Variants in PCDHB11 observed in about 807,000 individuals in gnomAD.
PCDHB11 encodes the protein protocadherin beta 11, also known as protocadherin beta-11.
For missense variants in PCDHB11, 1,151 were observed against 1,003.4 expected, an observed-to-expected ratio of 1.15 and a Z score of -1.99; for synonymous variants, 522 against 442.0, an observed-to-expected ratio of 1.18 and a Z score of -2.27.
rs182541044 is a variant in PCDHB11, at chr5:141,203,367, A to T, written c.*1199A>T. 1 of 152,268 alleles carries T rather than the reference A, an allele frequency of 6.6e-6. No homozygotes were observed. The highest frequency in any genetic ancestry group is 2.4e-5 in the African/African-American group (1 of 41,458). The allele number at this position is 152,268 out of a possible 1,614,324, so 9.4% of individuals were successfully genotyped here. A position where few individuals can be genotyped will look rare whatever the true frequency, so the allele number is the denominator to read the frequency against. ...AAAGCTGGGATTACAGGCGTGAGCCACCGTGCCCAGGCTCCCCTAGTATTT... is the reference window on the plus strand; with the variant it reads ...AAAGCTGGGATTACAGGCGTGAGCCTCCGTGCCCAGGCTCCCCTAGTATTT... On this transcript the variant is annotated 3_prime_UTR_variant, in exon 1 of 1. Coordinates refer to ENST00000354757, the MANE Select transcript of PCDHB11 (RefSeq NM_018931.3).
rs1347915392 is a variant in PCDHB11, at chr5:141,203,023, G to A, written c.*855G>A. On this transcript the variant is annotated 3_prime_UTR_variant, in exon 1 of 1. Coordinates refer to ENST00000354757, the MANE Select transcript of PCDHB11 (RefSeq NM_018931.3). The stretch of plus-strand genomic sequence containing the variant: ...TTTAAGGTTTTAATCCTTTCCAAGT[G>A]TACAATAATTTACTGATTATTATTT... 6.6e-6 allele frequency: 1 copy of A among 152,116 alleles called. No homozygotes were observed. Among genetic ancestry groups the A allele is most frequent in the Non-Finnish European group, 1.5e-5 (1 of 68,022 alleles). The allele number at this position is 152,116 out of a possible 1,614,324, so 9.4% of individuals were successfully genotyped here. A position where few individuals can be genotyped will look rare whatever the true frequency, so the allele number is the denominator to read the frequency against.
In PCDHB11 at chr5:141,201,182, A is replaced by T; in HGVS notation, c.1408A>T (p.Ile470Phe). 1 of 1,613,402 alleles carries T rather than the reference A, an allele frequency of 6.2e-7. No homozygotes were observed. Among genetic ancestry groups the T allele is most frequent in the Non-Finnish European group, 8.5e-7 (1 of 1,180,000 alleles). Residue 470 changes from isoleucine to phenylalanine, a missense_variant, in exon 1 of 1, where the codon ATC (isoleucine) becomes TTC (phenylalanine). Physicochemically the swap from Ile to Phe is conservative, Grantham distance 21. Transcript: ENST00000354757. ...CGAGAACAACAGCCCCGCCCTGCAC[A>T]TCGGCAGTGTCAGCGCTACAGACAG... ...VRENNSPALHIGSVSATDRDS... is the reference protein window; with the variant it reads ...VRENNSPALHFGSVSATDRDS...
rs1489470610 is a variant in PCDHB11 at position 141,200,083 on chromosome 5, G to A, written c.309G>A (p.Val103=). Residue 103 remains valine, a synonymous_variant, in exon 1 of 1, where the codon GTG becomes GTA. Transcript: ENST00000354757. ...EELCGSIEPC[V]LHLQVLMQNP... ...TCTGCGGTTCCATCGAGCCTTGCGTGCTACATTTGCAGGTGTTAATGCAAA... is the reference window on the plus strand; with the variant it reads ...TCTGCGGTTCCATCGAGCCTTGCGTACTACATTTGCAGGTGTTAATGCAAA... 1.2e-6 allele frequency: 2 copies of A among 1,614,064 alleles called. No individual in the cohort carries two copies. The highest frequency in any genetic ancestry group is 2.7e-5 in the African/African-American group (2 of 74,912).
In PCDHB11 at chr5:141,201,979, T is replaced by G. The variant is rs1554285774; in HGVS notation, c.2205T>G (p.His735Gln). The G allele has an allele frequency of 6.2e-6, 10 of 1,614,040 alleles. No individual in the cohort carries two copies. In the Admixed American group the frequency reaches 8.3e-5, roughly 13 times the overall value. Residue 735 changes from histidine to glutamine, a missense_variant, in exon 1 of 1, where the codon CAT becomes CAG. Coordinates refer to ENST00000354757, the MANE Select transcript of PCDHB11 (RefSeq NM_018931.3). ...CSVPKGPFPGHLVDVSGTGTL... is the reference protein window; with the variant it reads ...CSVPKGPFPGQLVDVSGTGTL... Reference sequence around the variant, plus strand: ...TGCCTAAGGGCCCCTTTCCAGGGCATCTGGTGGACGTGAGCGGCACCGGGA... The same window carrying G: ...TGCCTAAGGGCCCCTTTCCAGGGCAGCTGGTGGACGTGAGCGGCACCGGGA...
chr5:141,199,962 G>A lies in PCDHB11; in HGVS notation c.188G>A (p.Gly63Glu), dbSNP rs1554285178. 3 of 1,614,144 alleles carry A rather than the reference G, an allele frequency of 1.9e-6. No individual in the cohort carries two copies. Among genetic ancestry groups the A allele is most frequent in the Non-Finnish European group, 2.5e-6 (3 of 1,180,044 alleles). ...GLKVRELSSRGARVVSNDKKQ... is the reference protein window; with the variant it reads ...GLKVRELSSREARVVSNDKKQ... ...AAGGTGAGAGAACTGTCCTCACGGG[G>A]GGCTCGGGTGGTCTCTAATGATAAG... The change falls in exon 1 of 1, where the codon GGG becomes GAG. Residue 63 changes from glycine (G) to glutamate (E), a missense_variant. By Grantham distance (98) the Gly-to-Glu change is moderately conservative. Coordinates refer to ENST00000354757, the MANE Select transcript of PCDHB11 (RefSeq NM_018931.3).
At position 141,202,297 on chromosome 5, in the gene PCDHB11, C is replaced by A; in HGVS notation, c.*129C>A. The A allele has an allele frequency of 2.0e-6, 2 of 979,240 alleles. No homozygotes were observed. Among genetic ancestry groups the A allele is most frequent in the Non-Finnish European group, 2.9e-6 (2 of 695,136 alleles). 60.7% of individuals were successfully genotyped at this position (979,240 alleles called of 1,614,324 possible). A position where few individuals can be genotyped will look rare whatever the true frequency, so the allele number is the denominator to read the frequency against. ...GTATTTTTAATTTTTTCTTTTCTCC[C>A]CCAATTTTTTTTTTTTTTTTGAGAC... On this transcript the variant is annotated 3_prime_UTR_variant, in exon 1 of 1. Transcript: ENST00000354757.
rs1339153961 is a variant in PCDHB11 at position 141,199,855 on chromosome 5, C to T, written c.81C>T (p.Gly27=). The change falls in exon 1 of 1, where the codon GGC becomes GGT. Residue 27 remains glycine, a synonymous_variant. Transcript: ENST00000354757. ...LFVLLGMSQA[G]SETWSFSVAE... ...TTTTGCTCGGAATGTCTCAGGCGGG[C>T]TCTGAAACCTGGAGCTTTTCTGTGG... 6 of 1,614,180 alleles carry T rather than the reference C, an allele frequency of 3.7e-6. No homozygotes were observed. The highest frequency in any genetic ancestry group is 5.1e-6 in the Non-Finnish European group (6 of 1,180,040).
rs1271202471 is a variant in PCDHB11 at position 141,203,650 on chromosome 5, CACTT to C, written c.*1487_*1490del. The C allele has an allele frequency of 6.6e-6, 1 of 151,952 alleles. No individual in the cohort carries two copies. The highest frequency in any genetic ancestry group is 1.5e-5 in the Non-Finnish European group (1 of 68,004). 9.4% of individuals were successfully genotyped at this position (151,952 alleles called of 1,614,324 possible). A position where few individuals can be genotyped will look rare whatever the true frequency, so the allele number is the denominator to read the frequency against. On this transcript the variant is annotated 3_prime_UTR_variant, in exon 1 of 1. Transcript: ENST00000354757. Reference sequence around the variant, plus strand: ...TTGTATTATTTTCTTAAATATACTACACTTACTTGGCTAATATTTTTAATGCTTT... The same window carrying C: ...TTGTATTATTTTCTTAAATATACTACACTTGGCTAATATTTTTAATGCTTT...
In PCDHB11 at chr5:141,200,517, A is replaced by C; in HGVS notation, c.743A>C (p.Glu248Ala). 2 of 1,614,134 alleles carry C rather than the reference A, an allele frequency of 1.2e-6. No individual in the cohort carries two copies. The highest frequency in any genetic ancestry group is 1.6e-4 in the Middle Eastern group (1 of 6,062). Reference sequence around the variant, plus strand: ...CCTGAATTTGAGCAGGCTTTTTATGAGGTGAAGATTCGGGAGAATAGCATC... The same window carrying C: ...CCTGAATTTGAGCAGGCTTTTTATGCGGTGAAGATTCGGGAGAATAGCATC... Reference protein sequence around the residue: ...NSPEFEQAFYEVKIRENSILG... With the variant: ...NSPEFEQAFYAVKIRENSILG... Residue 248 changes from glutamate (E) to alanine (A), a missense_variant, in exon 1 of 1, where the codon GAG becomes GCG. Glu to Ala is a moderately radical substitution (Grantham distance 107). Transcript: ENST00000354757.
rs72116873 is a variant in PCDHB11 at position 141,202,301 on chromosome 5, A to ATTTT, written c.*146_*149dup. Reference sequence around the variant, plus strand: ...TTTTAATTTTTTCTTTTCTCCCCCAATTTTTTTTTTTTTTTTGAGACCGAG... The same window carrying ATTTT: ...TTTTAATTTTTTCTTTTCTCCCCCAATTTTTTTTTTTTTTTTTTTTGAGACCGAG... On this transcript the variant is annotated 3_prime_UTR_variant, in exon 1 of 1. Coordinates refer to ENST00000354757, the MANE Select transcript of PCDHB11 (RefSeq NM_018931.3). 2.8e-5 allele frequency: 19 copies of ATTTT among 671,872 alleles called. No individual in the cohort carries two copies. The highest frequency in any genetic ancestry group is 3.6e-5 in the Non-Finnish European group (16 of 449,334). 41.6% of individuals were successfully genotyped at this position (671,872 alleles called of 1,614,324 possible).
In PCDHB11 at chr5:141,202,933, T is replaced by C. The variant is rs1754241122; in HGVS notation, c.*765T>C. 1 of 151,700 alleles carries C rather than the reference T, an allele frequency of 6.6e-6. No homozygotes were observed. The highest frequency in any genetic ancestry group is 1.5e-5 in the Non-Finnish European group (1 of 67,946). The allele number at this position is 151,700 out of a possible 1,614,324, so 9.4% of individuals were successfully genotyped here. ...AATTTTCAAGTATTGCATATCATTG[T>C]GAATAACATTGTAAATCCTTTTTAT... On this transcript the variant is annotated 3_prime_UTR_variant, in exon 1 of 1. Transcript: ENST00000354757.
Position 141,201,175 on chromosome 5 carries a change from C to G in PCDHB11, c.1401C>G (p.Ala467=). 1.2e-6 allele frequency: 2 copies of G among 1,613,586 alleles called. No individual in the cohort carries two copies. The highest frequency in any genetic ancestry group is 1.7e-6 in the Non-Finnish European group (2 of 1,180,028). The change falls in exon 1 of 1, where the codon GCC becomes GCG. Residue 467 remains alanine, a synonymous_variant. Coordinates refer to ENST00000354757, the MANE Select transcript of PCDHB11 (RefSeq NM_018931.3). Reference sequence around the variant, plus strand: ...TCGTCCGCGAGAACAACAGCCCCGCCCTGCACATCGGCAGTGTCAGCGCTA... The same window carrying G: ...TCGTCCGCGAGAACAACAGCCCCGCGCTGCACATCGGCAGTGTCAGCGCTA... ...TLFVRENNSP[A]LHIGSVSATD...
Position 141,201,328 on chromosome 5 carries a change from G to T in PCDHB11, c.1554G>T (p.Ser518=), listed in dbSNP as rs782662475. Residue 518 remains serine (S), a synonymous_variant, in exon 1 of 1, where the codon TCG becomes TCT. Transcript: ENST00000354757. ...TDNGHLFALR[S]LDYEALQAFD... is the part of the protein sequence containing the mutation. Reference sequence around the variant, plus strand: ...ACGGCCACCTGTTCGCCCTCAGGTCGCTGGACTACGAGGCCCTGCAGGCTT... The same window carrying T: ...ACGGCCACCTGTTCGCCCTCAGGTCTCTGGACTACGAGGCCCTGCAGGCTT... 17 of 1,613,478 alleles carry T rather than the reference G, an allele frequency of 1.1e-5. No individual in the cohort carries two copies. Among genetic ancestry groups the T allele is most frequent in the Admixed American group, 6.7e-5 (4 of 60,018 alleles).
chr5:141,200,133 A>G lies in PCDHB11; in HGVS notation c.359A>G (p.Glu120Gly), dbSNP rs781948905. 3.1e-6 allele frequency: 5 copies of G among 1,614,076 alleles called. No individual in the cohort carries two copies. The highest frequency in any genetic ancestry group is 2.5e-6 in the Non-Finnish European group (3 of 1,180,024). ...MQNPTQFLQI[E>G]LQVRDINDHS... ...AACCCCACGCAGTTTTTACAAATTGAGCTTCAGGTCAGGGATATAAATGAT... is the reference window on the plus strand; with the variant it reads ...AACCCCACGCAGTTTTTACAAATTGGGCTTCAGGTCAGGGATATAAATGAT... The change falls in exon 1 of 1, where the codon GAG becomes GGG. Residue 120 changes from glutamate (E) to glycine (G), a missense_variant. Transcript: ENST00000354757.
rs1554285691 is a variant in PCDHB11, at chr5:141,201,760, G to C, written c.1986G>C (p.Leu662=). The change falls in exon 1 of 1, where the codon CTG becomes CTC. Residue 662 remains leucine, a synonymous_variant. Coordinates refer to ENST00000354757, the MANE Select transcript of PCDHB11 (RefSeq NM_018931.3). ...CCACCGCCACGCTGCAAGTGCTCCT[G>C]GTGGACGGCTTCTCCCAGCCCTACC... ...RSATATLQVL[L]VDGFSQPYLP... The C allele has an allele frequency of 1.9e-6, 3 of 1,609,352 alleles. No individual in the cohort carries two copies. Among genetic ancestry groups the C allele is most frequent in the Non-Finnish European group, 2.5e-6 (3 of 1,179,752 alleles).
Position 141,199,951 on chromosome 5 carries a change from G to A in PCDHB11, c.177G>A (p.Leu59=), listed in dbSNP as rs782618138. Residue 59 remains leucine, a synonymous_variant, in exon 1 of 1, where the codon CTG becomes CTA. Transcript: ENST00000354757. Reference sequence around the variant, plus strand: ...ACCTGGGGCTGAAGGTGAGAGAACTGTCCTCACGGGGGGCTCGGGTGGTCT... The same window carrying A: ...ACCTGGGGCTGAAGGTGAGAGAACTATCCTCACGGGGGGCTCGGGTGGTCT... ...AKDLGLKVRE[L]SSRGARVVSN... 10 of 1,614,058 alleles carry A rather than the reference G, an allele frequency of 6.2e-6. No individual in the cohort carries two copies. The highest frequency in any genetic ancestry group is 7.6e-6 in the Non-Finnish European group (9 of 1,180,044).
rs782053940 is a variant in PCDHB11 at position 141,201,288 on chromosome 5, C to T, written c.1514C>T (p.Ser505Phe). The change falls in exon 1 of 1, where the codon TCC becomes TTC. Residue 505 changes from serine to phenylalanine, a missense_variant. Coordinates refer to ENST00000354757, the MANE Select transcript of PCDHB11 (RefSeq NM_018931.3). ...CACCTGCCCCTCGCCTCCCTGGTCT[C>T]CATCAACACAGACAACGGCCACCTG... is the stretch of plus-strand genomic sequence containing the variant. ...DLHLPLASLV[S>F]INTDNGHLFA... 5.0e-6 allele frequency: 8 copies of T among 1,613,504 alleles called. No individual in the cohort carries two copies. Among genetic ancestry groups the T allele is most frequent in the East Asian group, 2.2e-5 (1 of 44,892 alleles).
Position 141,201,260 on chromosome 5 carries a change from C to T in PCDHB11, c.1486C>T (p.Leu496=), listed in dbSNP as rs371202979. The change falls in exon 1 of 1, where the codon CTG becomes TTG. Residue 496 remains leucine (L), a synonymous_variant. Transcript: ENST00000354757. ...VNYSLLPPQD[L]HLPLASLVSI... ...CTACTCGCTACTCCCGCCCCAGGAC[C>T]TGCACCTGCCCCTCGCCTCCCTGGT... is the stretch of plus-strand genomic sequence containing the variant. The T allele has an allele frequency of 4.3e-6, 7 of 1,613,330 alleles. No homozygotes were observed. The African/African-American group carries it at 9.3e-5, about 22-fold the overall frequency.
In PCDHB11 at chr5:141,203,474, T is replaced by G. The variant is rs1754251911; in HGVS notation, c.*1306T>G. The G allele has an allele frequency of 6.6e-6, 1 of 152,356 alleles. No homozygotes were observed. The highest frequency in any genetic ancestry group is 2.4e-5 in the African/African-American group (1 of 41,586). 9.4% of individuals were successfully genotyped at this position (152,356 alleles called of 1,614,324 possible). A position where few individuals can be genotyped will look rare whatever the true frequency, so the allele number is the denominator to read the frequency against. ...AGAAGTCATATCTGCCCTTCCAACC[T>G]TATTCTAACATTCTATTTATTCATT... On this transcript the variant is annotated 3_prime_UTR_variant, in exon 1 of 1. Transcript: ENST00000354757.
Sources: gnomAD v4.1 joint callset for allele counts on GRCh38, gnomAD v4.1.1 for gene constraint, MANE v1.5 for transcripts, NCBI Gene and HGNC (gene_info 2026-07-23, HGNC 2026-07-21) for gene names.